Variants in TYW1 observed in about 807,000 individuals in gnomAD.
TYW1 encodes the protein S-adenosyl-L-methionine-dependent tRNA 4-demethylwyosine synthase TYW1.
Under a neutral mutation model 96.2 loss-of-function variants are expected in TYW1, and 46 were observed. That is an observed-to-expected ratio of 0.48 (90% confidence interval 0.38 to 0.61). TYW1 has a LOEUF of 0.61. TYW1 is among the 20% of genes least tolerant of loss of function. The pLI is 0.00. For synonymous variants in TYW1, 274 were observed against 323.0 expected (o/e 0.85, Z 1.63); for missense variants, 684 against 909.6 (o/e 0.75, Z 3.19).
chr7:67,055,819 C>T lies in TYW1; in HGVS notation c.1103-16C>T. On this transcript the variant is annotated splice_polypyrimidine_tract_variant and intron_variant, in intron 8 of 15. Transcript: ENST00000359626. Reference sequence around the variant, plus strand: ...TTGGATCAGTCCAACTTTGTGTTCCCTGCTTTTCCACTCAGGTTATCAGTT... The same window carrying T: ...TTGGATCAGTCCAACTTTGTGTTCCTTGCTTTTCCACTCAGGTTATCAGTT... 1 of 1,606,294 alleles carries T rather than the reference C, an allele frequency of 6.2e-7. No individual in the cohort carries two copies. Among genetic ancestry groups the T allele is most frequent in the South Asian group, 1.1e-5 (1 of 89,716 alleles).
intron 5 of TYW1, among the ~76,000 whole-genome samples, chr7:67,016,063 G>A (rs181118327): frequency 3.2e-4 from 49 of 151,564 alleles, no homozygotes; most frequent in African/African-American, 6.3e-4. Flanking sequence ...TAGTTTTCCC[G>A]GGCTATTTTT....
intron 9 of TYW1, among the ~76,000 whole-genome samples, chr7:67,060,296 G>C (rs576959534): frequency 6.6e-6 from 1 of 152,130 alleles, no homozygotes; most frequent in Non-Finnish European, 1.5e-5. Flanking sequence ...GGCTGGTCTT[G>C]AACTCCTGAC....
At chr7:67,188,314 T>C (rs1169052259) in intron 14 of TYW1, among the ~76,000 whole-genome samples, 1 of 152,086 alleles carries the variant, frequency 6.6e-6, no homozygotes, top group Non-Finnish European at 1.5e-5. Context: ...AGCGAGACTC[T>C]GTCTCAAAAA....
chr7:67,227,724 CAG>C (rs1182200753), intron 15 of TYW1, among the ~76,000 whole-genome samples: 1 of 152,094 alleles, frequency 6.6e-6, no homozygotes, highest in African/African-American at 2.4e-5. Context: ...CACCAAGACT[CAG>C]GTGCATTTCC....
intron 15 of TYW1, among the ~76,000 whole-genome samples, chr7:67,237,448 C>T (rs1007947058): frequency 1.8e-4 from 26 of 148,098 alleles, no homozygotes; most frequent in Non-Finnish European, 3.3e-4. Context: ...TGCAGTGAGC[C>T]GAGATCAGGC....
chr7:67,043,314 C>A (rs1208807836), intron 7 of TYW1, among the ~76,000 whole-genome samples: 1 of 149,930 alleles, frequency 6.7e-6, no homozygotes, highest in African/African-American at 2.4e-5. Flanking sequence ...TGTTTATTTT[C>A]TCTTTCTCTT....
At chr7:67,033,543 A>G (rs1281510334) in intron 7 of TYW1, among the ~76,000 whole-genome samples, 7 of 152,168 alleles carry the variant, frequency 4.6e-5, no homozygotes, top group Admixed American at 4.6e-4. Context: ...GTGGGGCTAG[A>G]GGTAAGAAGC....
chr7:67,027,328 G>T (rs1794483569), intron 7 of TYW1, among the ~76,000 whole-genome samples: 1 of 151,998 alleles, frequency 6.6e-6, no homozygotes, highest in Admixed American at 6.6e-5. Flanking sequence ...ATGGATTATT[G>T]TATAACCTGG....
At chr7:67,146,079 T>A (rs1448093063) in intron 13 of TYW1, among the ~76,000 whole-genome samples, 1 of 152,158 alleles carries the variant, frequency 6.6e-6, no homozygotes, top group East Asian at 1.9e-4. Flanking sequence ...GTTCTTTTTT[T>A]ATTATTTTTA....
intron 13 of TYW1, among the ~76,000 whole-genome samples, chr7:67,153,490 A>G (rs1357912461): frequency 6.6e-6 from 1 of 152,240 alleles, no homozygotes; most frequent in African/African-American, 2.4e-5. Flanking sequence ...TCTTATGTTT[A>G]TATATGTAGA....
At chr7:67,066,841 C>A (rs1795882601) in intron 9 of TYW1, among the ~76,000 whole-genome samples, 1 of 152,184 alleles carries the variant, frequency 6.6e-6, no homozygotes, top group Non-Finnish European at 1.5e-5. Context: ...GAGCAAGACC[C>A]TGTCTCAAAA....
At chr7:67,082,478 G>A (rs1371704681) in intron 10 of TYW1, among the ~76,000 whole-genome samples, 3 of 152,196 alleles carry the variant, frequency 2.0e-5, no homozygotes, top group Non-Finnish European at 4.4e-5. Flanking sequence ...TTTGCTAGGG[G>A]CAGTATTGCT....
rs975415812 is a variant in TYW1 at position 67,036,182 on chromosome 7, T to C, written c.984+11160T>C. The stretch of plus-strand genomic sequence containing the variant: ...GAGCACCAGACTGGGCTCCAGGGAA[T>C]AGACATTTGTTCCAACTCCCCCTCC... On this transcript the variant is annotated intron_variant, in intron 7 of 15. Transcript: ENST00000359626. 5.3e-5 allele frequency among the ~76,000 whole-genome samples: 8 copies of C among 149,910 alleles called. 1 individual carries two copies. Among genetic ancestry groups the C allele is most frequent in the Non-Finnish European group, 1.0e-4 (7 of 67,212 alleles).
chr7:67,183,096 A>G (rs1050344286), intron 13 of TYW1, 30 bp from the exon 14 acceptor site: 8 of 1,576,650 alleles, frequency 5.1e-6, no homozygotes, highest in African/African-American at 1.4e-5. Flanking sequence ...CACCAAGATA[A>G]CAACGAACTT....
intron 15 of TYW1, among the ~76,000 whole-genome samples, chr7:67,234,348 TAAAA>T (rs57100190): frequency 2.1e-5 from 2 of 93,342 alleles, no homozygotes; most frequent in East Asian, 4.9e-4. Flanking sequence ...ACCTATCTCT[TAAAA>T]AAAAAAAAAA....
chr7:67,227,884 C>T (rs777128423), intron 15 of TYW1, among the ~76,000 whole-genome samples: 2 of 152,146 alleles, frequency 1.3e-5, no homozygotes, highest in Non-Finnish European at 2.9e-5. Flanking sequence ...CCTCGGTTAG[C>T]GTTAATGTGT....
intron 7 of TYW1, among the ~76,000 whole-genome samples, chr7:67,030,928 C>T (rs1277408823): frequency 5.9e-5 from 9 of 151,730 alleles, no homozygotes; most frequent in Non-Finnish European, 7.4e-5. Context: ...TGGCCTGGCA[C>T]GGTGGCTCAT....
At chr7:67,212,632 A>G (rs952698137) in intron 15 of TYW1, among the ~76,000 whole-genome samples, 3 of 152,010 alleles carry the variant, frequency 2.0e-5, no homozygotes, top group African/African-American at 7.3e-5. Flanking sequence ...CTGTTGCTAT[A>G]CATCCTTGCC....
chr7:67,101,958 T>C (rs977344246), intron 12 of TYW1, among the ~76,000 whole-genome samples: 1 of 152,252 alleles, frequency 6.6e-6, no homozygotes, highest in Non-Finnish European at 1.5e-5. Flanking sequence ...TCAATGTGTC[T>C]GTTTTACATA....
Sources: allele counts gnomAD v4.1 joint callset (sites outside exome capture counted in the v4.1 genomes callset), GRCh38; gene constraint gnomAD v4.1.1; transcripts MANE v1.5; gene names NCBI Gene and HGNC (gene_info 2026-07-23, HGNC 2026-07-21).